The following TSKU variants were observed in gnomAD, a reference collection of about 807,000 sequenced individuals.
TSKU encodes tsukushi.
A neutral mutation model predicts 11.2 loss-of-function variants in TSKU; 4 were observed. The observed-to-expected ratio is 0.36, with a 90% CI of 0.18 to 0.82. TSKU has a LOEUF of 0.82. TSKU is among the 40% of genes least tolerant of loss of function. The pLI is 0.50. For missense variants in TSKU, 407 were observed against 482.5 expected, an observed-to-expected ratio of 0.84 and a Z score of 1.47; for synonymous variants, 220 against 232.2, an observed-to-expected ratio of 0.95 and a Z score of 0.48.
rs527854868 is a variant in TSKU, at chr11:76,793,792, C to T, written c.-8-1817C>T. ...GATTTAATCCTGAAATTGGCCTCTA[C>T]AAAAGAAAGGGGTGGGAGAGGAGGG... On this transcript the variant is annotated intron_variant, in intron 1 of 1. Transcript: ENST00000333090. 7.2e-4 allele frequency among the ~76,000 whole-genome samples: 109 copies of T among 151,500 alleles called. 1 individual carries two copies. The highest frequency in any genetic ancestry group is 7.0e-3 in the Admixed American group (107 of 15,234).
Position 76,796,409 on chromosome 11 carries a change from C to T in TSKU, c.793C>T (p.Pro265Ser). The T allele has an allele frequency of 6.2e-7, 1 of 1,613,568 alleles. No homozygotes were observed. The highest frequency in any genetic ancestry group is 2.2e-5 in the East Asian group (1 of 44,840). Reference protein sequence around the residue: ...GLQVLDLSGNPKLNWAGAEVF... With the variant: ...GLQVLDLSGNSKLNWAGAEVF... ...GCAGGTCCTGGACCTGTCGGGCAAC[C>T]CCAAGCTTAACTGGGCAGGAGCTGA... is the stretch of plus-strand genomic sequence containing the variant. The change falls in exon 2 of 2, where the codon CCC becomes TCC. Residue 265 changes from proline to serine, a missense_variant. By Grantham distance (74) the Pro-to-Ser change is moderately conservative. Coordinates refer to ENST00000333090, the MANE Select transcript of TSKU (RefSeq NM_015516.4). The surrounding 1 kb of genome is among the most constrained non-coding windows in gnomAD (Gnocchi z 4.1).
At chr11:76,786,769 C>T (rs1034425991) in intron 1 of TSKU, among the ~76,000 whole-genome samples, 8 of 152,210 alleles carry the variant, frequency 5.3e-5, no homozygotes, top group Non-Finnish European at 5.9e-5. Context: ...AACACAGCAG[C>T]TTTTGCCTGC....
chr11:76,791,472 G>A (rs1288855548), intron 1 of TSKU, among the ~76,000 whole-genome samples: 1 of 152,092 alleles, frequency 6.6e-6, no homozygotes, highest in Non-Finnish European at 1.5e-5. Flanking sequence ...TCTCAGGCCA[G>A]GCCCAGGATC....
At chr11:76,787,812 G>T (rs947500233) in intron 1 of TSKU, among the ~76,000 whole-genome samples, 1 of 152,202 alleles carries the variant, frequency 6.6e-6, no homozygotes, top group African/African-American at 2.4e-5. Flanking sequence ...GTAAGCTGAG[G>T]CAGAGTGGAT....
upstream of TSKU, chr11:76,783,200 C>A (rs3740777): frequency 0.14 from 21,246 of 151,490 alleles, 2,012 homozygotes; most frequent in East Asian, 0.4. Context: ...GGGCGCGCGC[C>A]GAGAGAGGCT....
At chr11:76,783,312 G>GGCCGCGCCGC (rs930898613), upstream of TSKU, 3 of 150,328 alleles carry the variant, frequency 2.0e-5, no homozygotes, top group African/African-American at 7.3e-5. Context: ...CCGGGGGGCG[G>GGCCGCGCCGC]GCCGCGCCGC....
intron 1 of TSKU, among the ~76,000 whole-genome samples, chr11:76,788,059 C>G (rs1250657322): frequency 1.3e-5 from 2 of 152,196 alleles, no homozygotes; most frequent in Non-Finnish European, 2.9e-5. Flanking sequence ...CCTTGAAATT[C>G]TTTCTGCCTT....
intron 1 of TSKU, among the ~76,000 whole-genome samples, chr11:76,787,852 G>A (rs934927965): frequency 3.3e-5 from 5 of 152,178 alleles, no homozygotes; most frequent in East Asian, 1.9e-4. Context: ...GGTTAAGTCC[G>A]GGGTCCTCTC....
At chr11:76,788,905 T>C (rs1052137114) in intron 1 of TSKU, among the ~76,000 whole-genome samples, 9 of 152,188 alleles carry the variant, frequency 5.9e-5, no homozygotes, top group Admixed American at 4.6e-4. Context: ...GAGAATTTAC[T>C]GAAGGAGGCC....
At chr11:76,784,055 G>C (rs1013578579) in intron 1 of TSKU, 42 of 152,580 alleles carry the variant, frequency 2.8e-4, no homozygotes, top group African/African-American at 9.9e-4. Flanking sequence ...TCCCAGGACA[G>C]CAAGGGGCTG....
intron 1 of TSKU, among the ~76,000 whole-genome samples, chr11:76,787,368 A>G (rs1402679422): frequency 6.6e-6 from 1 of 152,144 alleles, no homozygotes; most frequent in Non-Finnish European, 1.5e-5. Flanking sequence ...CTCCTTGGGT[A>G]AGTTGCTAGG....
At chr11:76,795,559 G>T in intron 1 of TSKU, 50 bp from the exon 2 acceptor site, 3 of 1,570,396 alleles carry the variant, frequency 1.9e-6, no homozygotes, top group Admixed American at 3.4e-5. Context: ...CTGTGTGGTG[G>T]CTTTAGACCA....
chr11:76,796,561 G>A lies in TSKU; in HGVS notation c.945G>A (p.Arg315=), dbSNP rs536391113. The A allele has an allele frequency of 2.5e-5, 39 of 1,587,190 alleles. No individual in the cohort carries two copies. In the East Asian group the frequency reaches 6.8e-4, roughly 28 times the overall value. The change falls in exon 2 of 2, where the codon CGG becomes CGA. Residue 315 remains arginine, a synonymous_variant. Coordinates refer to ENST00000333090, the MANE Select transcript of TSKU (RefSeq NM_015516.4). This position sits in a 1 kb window ranked among gnomAD's most constrained non-coding sequence, Gnocchi z 4.1. ...GCGTCAGCGTGGGCCAGGATGTGCG[G>A]TGCCGGCGCCTGGTGCGGGAGGGCA... ...LQSVSVGQDV[R]CRRLVREGTY...
chr11:76,795,122 C>G (rs1298657701), intron 1 of TSKU, among the ~76,000 whole-genome samples: 1 of 152,154 alleles, frequency 6.6e-6, no homozygotes, highest in Admixed American at 6.5e-5. Flanking sequence ...AGTGGGGCAC[C>G]CTGGGCACAC....
intron 1 of TSKU, among the ~76,000 whole-genome samples, chr11:76,791,498 G>C (rs189914666): frequency 6.1e-5 from 9 of 148,218 alleles, no homozygotes; most frequent in African/African-American, 2.2e-4. Context: ...GCTGTGTGCA[G>C]CCTAGGGACT....
At chr11:76,786,894 T>C (rs1944317948) in intron 1 of TSKU, among the ~76,000 whole-genome samples, 1 of 152,204 alleles carries the variant, frequency 6.6e-6, no homozygotes. Context: ...ATCCAAGGCC[T>C]CTGGGATGAA....
chr11:76,795,905 A>G lies in TSKU; in HGVS notation c.289A>G (p.Thr97Ala), dbSNP rs542831459. ...CCTGGATCTCAGCCACAACCTGCTC[A>G]CCAGCATCTCACCCACTGCCTTCTC... ...AGLDLSHNLL[T>A]SISPTAFSRL... Residue 97 changes from threonine (T) to alanine (A), a missense_variant, in exon 2 of 2, where the codon ACC (threonine) becomes GCC (alanine). By Grantham distance (58) the Thr-to-Ala change is moderately conservative (BLOSUM62 0). Transcript: ENST00000333090. 10 of 1,613,858 alleles carry G rather than the reference A, an allele frequency of 6.2e-6. No individual in the cohort carries two copies. In the South Asian group the frequency reaches 9.9e-5, roughly 16 times the overall value.
chr11:76,786,612 C>T (rs923831394), intron 1 of TSKU, among the ~76,000 whole-genome samples: 3 of 152,024 alleles, frequency 2.0e-5, no homozygotes, highest in Admixed American at 6.5e-5. Flanking sequence ...AGGCCAGGAG[C>T]GAGGCTGTTG....
At chr11:76,785,600 G>A (rs1944303951) in intron 1 of TSKU, among the ~76,000 whole-genome samples, 1 of 152,184 alleles carries the variant, frequency 6.6e-6, no homozygotes, top group Non-Finnish European at 1.5e-5. Context: ...GCAGACGCAA[G>A]GTCTTGAGGG....
Sources: allele counts gnomAD v4.1 joint callset (sites outside exome capture counted in the v4.1 genomes callset), GRCh38; gene constraint gnomAD v4.1.1; non-coding constraint Gnocchi (gnomAD v3.1); transcripts MANE v1.5; gene names NCBI Gene and HGNC (gene_info 2026-07-23, HGNC 2026-07-21).